Variants in UBE2E1 observed in about 807,000 individuals in gnomAD.
UBE2E1 encodes the protein ubiquitin conjugating enzyme E2 E1, also known as ubiquitin-conjugating enzyme E2 E1.
Under a neutral mutation model 21.4 loss-of-function variants are expected in UBE2E1, and 6 were observed. The ratio of observed to expected loss-of-function variants is 0.28; its 90% CI spans 0.15 to 0.55. The LOEUF (loss-of-function observed/expected upper bound fraction) is 0.55, where lower values mean the gene tolerates loss of function less well. Among genes scored for constraint, UBE2E1 ranks in the 20% least tolerant of loss-of-function variants. UBE2E1 has a pLI of 0.93. For missense variants in UBE2E1, 142 were observed against 236.5 expected, an observed-to-expected ratio of 0.60 and a Z score of 2.62; for synonymous variants, 87 against 82.7, an observed-to-expected ratio of 1.05 and a Z score of -0.28.
chr3:23,885,069 T>C (rs1363101144), intron 3 of UBE2E1, among the ~76,000 whole-genome samples: 2 of 152,224 alleles, frequency 1.3e-5, no homozygotes, highest in Non-Finnish European at 2.9e-5. Flanking sequence ...CTCACAGTTC[T>C]GGAGGCTAGA....
chr3:23,875,873 A>G (rs1486054002), intron 3 of UBE2E1, among the ~76,000 whole-genome samples: 3 of 152,220 alleles, frequency 2.0e-5, no homozygotes, highest in Non-Finnish European at 2.9e-5. Flanking sequence ...CCCAGGTTCA[A>G]GCGATTCTCC....
intron 3 of UBE2E1, among the ~76,000 whole-genome samples, chr3:23,881,674 T>G (rs1411869647): frequency 5.9e-5 from 9 of 152,182 alleles, no homozygotes; most frequent in Non-Finnish European, 1.3e-4. Context: ...AATGCAAAAT[T>G]ATGAAATGTA....
At chr3:23,821,948 T>A (rs1264449943) in intron 3 of UBE2E1, among the ~76,000 whole-genome samples, 2 of 152,128 alleles carry the variant, frequency 1.3e-5, no homozygotes, top group Non-Finnish European at 2.9e-5. Flanking sequence ...AAACAGAGGC[T>A]CTTGGGTGTC....
chr3:23,856,944 A>G (rs1323027369), intron 3 of UBE2E1, among the ~76,000 whole-genome samples: 1 of 148,970 alleles, frequency 6.7e-6, no homozygotes, highest in African/African-American at 2.5e-5. Context: ...TTGAGGTTGC[A>G]GTGCGCTGTG....
chr3:23,813,952 A>G (rs1334398401), intron 3 of UBE2E1, among the ~76,000 whole-genome samples: 2 of 152,246 alleles, frequency 1.3e-5, no homozygotes, highest in Non-Finnish European at 2.9e-5. Flanking sequence ...GATTTGAATG[A>G]GTTAAATAAT....
chr3:23,828,644 G>C (rs1223480810), intron 3 of UBE2E1, among the ~76,000 whole-genome samples: 1 of 152,202 alleles, frequency 6.6e-6, no homozygotes, highest in African/African-American at 2.4e-5. Flanking sequence ...GGGTGTCTGT[G>C]TGTGCATAGC....
chr3:23,888,608 C>T (rs1701256292), intron 4 of UBE2E1, among the ~76,000 whole-genome samples: 1 of 152,080 alleles, frequency 6.6e-6, no homozygotes, highest in Admixed American at 6.5e-5. Flanking sequence ...TCTATAGGAC[C>T]TGATGTAACG....
Position 23,810,404 on chromosome 3 carries a change from G to A in UBE2E1, c.153-1056G>A. 1 of 1,533,048 alleles carries A rather than the reference G, an allele frequency of 6.5e-7. No individual in the cohort carries two copies. The highest frequency in any genetic ancestry group is 8.7e-7 in the Non-Finnish European group (1 of 1,144,630). The allele number at this position is 1,533,048 out of a possible 1,614,324, so 95.0% of individuals were successfully genotyped here. A position where few individuals can be genotyped will look rare whatever the true frequency, so the allele number is the denominator to read the frequency against. ...AGTGGGGGATGGGGCCCTTTGTGAA[G>A]TCGAGGGTTGGTGCGGAGGGAGAAA... is the stretch of plus-strand genomic sequence containing the variant. On this transcript the variant is annotated intron_variant, in intron 2 of 5. Transcript: ENST00000306627. The surrounding 1 kb of genome is among the most constrained non-coding windows in gnomAD (Gnocchi z 5.8).
intron 3 of UBE2E1, among the ~76,000 whole-genome samples, chr3:23,850,575 A>G (rs1375400468): frequency 2.0e-5 from 3 of 150,998 alleles, no homozygotes; most frequent in African/African-American, 4.9e-5. Flanking sequence ...CAGTGGTGCA[A>G]TCCTAGCTCA....
Position 23,846,267 on chromosome 3 carries a change from A to G in UBE2E1, c.203+34757A>G, listed in dbSNP as rs1267619786. On this transcript the variant is annotated intron_variant, in intron 3 of 5. Transcript: ENST00000306627. ...TTTAAATTCCTTTTAAGCCTATTCA[A>G]GAGTGGGTAATAGAGCTGGGTGCAG... Among the ~76,000 whole-genome samples, 5 of 152,216 alleles carry G rather than the reference A, an allele frequency of 3.3e-5. No homozygotes were observed. The South Asian group carries it at 8.3e-4, about 25-fold the overall frequency.
In UBE2E1 at chr3:23,870,822, C is replaced by CG. The variant is rs36136359; in HGVS notation, c.204-16743dup. On this transcript the variant is annotated intron_variant, in intron 3 of 5. Coordinates refer to ENST00000306627, the MANE Select transcript of UBE2E1 (RefSeq NM_003341.5). This position sits in a 1 kb window ranked among gnomAD's most constrained non-coding sequence, Gnocchi z 4.2. ...TGGTTTTCCTAGGCAGAGGACCCTG[C>CG]GGCCTTCCGCAGTGTTTGTGTCCCT... Among the ~76,000 whole-genome samples the CG allele has an allele frequency of 0.37, 54,849 of 149,954 alleles. 10,133 individuals are homozygous for CG. The highest frequency in any genetic ancestry group is 0.53 in the Middle Eastern group (156 of 292).
chr3:23,832,332 G>A (rs1699884641), intron 3 of UBE2E1, among the ~76,000 whole-genome samples: 2 of 152,190 alleles, frequency 1.3e-5, no homozygotes, highest in Non-Finnish European at 2.9e-5. Context: ...GGAGGGAGGA[G>A]ACCTGTAAAG....
chr3:23,872,325 AC>A (rs1186894117), intron 3 of UBE2E1, among the ~76,000 whole-genome samples: 1 of 151,850 alleles, frequency 6.6e-6, no homozygotes, highest in Non-Finnish European at 1.5e-5. Flanking sequence ...TGGCAGCAGT[AC>A]AGTCCAGCTT....
chr3:23,809,828 C>T (rs1699347531), intron 2 of UBE2E1, among the ~76,000 whole-genome samples: 1 of 152,168 alleles, frequency 6.6e-6, no homozygotes, highest in Admixed American at 6.5e-5. Context: ...AACCAATTTT[C>T]CAAACTTTGA....
chr3:23,856,037 C>CT (rs1700428313), intron 3 of UBE2E1, among the ~76,000 whole-genome samples: 1 of 151,732 alleles, frequency 6.6e-6, no homozygotes, highest in South Asian at 2.1e-4. Context: ...TTTTTCTTTT[C>CT]TTTTCTTTTT....
chr3:23,807,988 T>A (rs1364724695), intron 2 of UBE2E1: 1 of 152,260 alleles, frequency 6.6e-6, no homozygotes, highest in Non-Finnish European at 1.5e-5. Context: ...AATGAATGAA[T>A]CAGTAAGTGA....
chr3:23,832,820 C>T (rs1261269846), intron 3 of UBE2E1, among the ~76,000 whole-genome samples: 1 of 152,122 alleles, frequency 6.6e-6, no homozygotes, highest in Non-Finnish European at 1.5e-5. Context: ...TGCTTGAGCC[C>T]AGGAGTTTGA....
intron 3 of UBE2E1, among the ~76,000 whole-genome samples, chr3:23,847,239 A>G (rs1575012620): frequency 1.3e-5 from 2 of 152,164 alleles, no homozygotes; most frequent in South Asian, 2.1e-4. Flanking sequence ...CCAGTCACAT[A>G]TAGTACTTTT....
intron 3 of UBE2E1, among the ~76,000 whole-genome samples, chr3:23,812,882 A>G (rs1699430812): frequency 6.6e-6 from 1 of 152,002 alleles, no homozygotes; most frequent in South Asian, 2.1e-4. Flanking sequence ...TGTGTCTCCT[A>G]TGTGTGTGTT....
Sources: gnomAD v4.1 joint callset for allele counts (sites outside exome capture counted in the v4.1 genomes callset) on GRCh38, gnomAD v4.1.1 for gene constraint, Gnocchi (gnomAD v3.1) non-coding constraint, MANE v1.5 for transcripts, NCBI Gene and HGNC (gene_info 2026-07-23, HGNC 2026-07-21) for gene names.